ABR: variants seen among roughly 807,000 people sequenced by gnomAD.
ABR encodes the protein active breakpoint cluster region-related protein.
Under a neutral mutation model 107.2 loss-of-function variants are expected in ABR, and 35 were observed. The observed-to-expected ratio is 0.33, with a 90% CI of 0.25 to 0.43. The LOEUF (loss-of-function observed/expected upper bound fraction) is 0.43. Among genes scored for constraint, ABR ranks in the 20% least tolerant of loss-of-function variants. The pLI is 1.00. For missense variants in ABR, 815 were observed against 1,115.2 expected (o/e 0.73, Z 3.83); for synonymous variants, 498 against 462.0 (o/e 1.08, Z -1.00).
intron 1 of ABR, among the ~76,000 whole-genome samples, chr17:1,144,709 T>G (rs951052029): frequency 6.6e-6 from 1 of 151,376 alleles, no homozygotes; most frequent in Non-Finnish European, 1.5e-5. Flanking sequence ...CTGGTCAACA[T>G]GGTGAAGCCC....
intron 1 of ABR, among the ~76,000 whole-genome samples, chr17:1,155,667 C>T (rs570408840): frequency 1.5e-4 from 23 of 152,140 alleles, no homozygotes; most frequent in Non-Finnish European, 1.9e-4. Flanking sequence ...TACAACTCAA[C>T]GATAAAAAGA....
At chr17:1,096,725 A>C (rs1005969630) in intron 3 of ABR, among the ~76,000 whole-genome samples, 1 of 146,814 alleles carries the variant, frequency 6.8e-6, no homozygotes, top group African/African-American at 2.6e-5. Context: ...GAAGGGGGGG[A>C]ACCTGCCCCG....
chr17:1,207,668 AGAAGT>A, intron 1 of ABR, among the ~76,000 whole-genome samples: 1 of 146,772 alleles, frequency 6.8e-6, no homozygotes, highest in Middle Eastern at 3.5e-3. Context: ...AAAAAAAAAG[AGAAGT>A]GGGGGAAAAA....
intron 16 of ABR, among the ~76,000 whole-genome samples, chr17:1,038,268 G>A (rs755687920): frequency 2.6e-4 from 40 of 152,146 alleles, no homozygotes; most frequent in Non-Finnish European, 4.7e-4. Context: ...CAGTTCTCCC[G>A]AAGGCCTCGC....
intron 1 of ABR, among the ~76,000 whole-genome samples, chr17:1,195,248 A>G (rs1324498720): frequency 9.5e-5 from 13 of 136,654 alleles, no homozygotes; most frequent in Non-Finnish European, 1.1e-4. Context: ...CGGAGCTTGC[A>G]GTGAGCGGAG....
intron 5 of ABR, among the ~76,000 whole-genome samples, chr17:1,080,666 C>T (rs893896503): frequency 2.7e-5 from 4 of 150,584 alleles, no homozygotes; most frequent in Non-Finnish European, 4.4e-5. Context: ...GGGGAGGAAG[C>T]GCTCAGACAG....
At chr17:1,015,420 GAA>G (rs534410630) in intron 16 of ABR, among the ~76,000 whole-genome samples, 1 of 131,622 alleles carries the variant, frequency 7.6e-6, no homozygotes, top group Non-Finnish European at 1.6e-5. Context: ...CCTGTCTCAA[GAA>G]AAAAAAAAAA....
chr17:1,011,926 C>T lies in ABR; in HGVS notation c.2021G>A (p.Arg674Lys), dbSNP rs1035244499. The part of the protein sequence containing the change: ...VRQCVEEVEK[R>K]GIEEVGIYRI... ...GTAGATGCCAACCTCCTCGATACCC[C>T]TCTTCTCCACCTCCTCCACACACTG... The change falls in exon 19 of 23, where the codon AGG becomes AAG. Residue 674 changes from arginine to lysine, a missense_variant. Coordinates refer to ENST00000302538, the MANE Select transcript of ABR (RefSeq NM_021962.5). The surrounding 1 kb of genome is among the most constrained non-coding windows in gnomAD (Gnocchi z 4.8). 7 of 1,613,028 alleles carry T rather than the reference C, an allele frequency of 4.3e-6. No individual in the cohort carries two copies. The highest frequency in any genetic ancestry group is 5.9e-6 in the Non-Finnish European group (7 of 1,179,270).
chr17:1,103,296 C>T (rs557600386), intron 2 of ABR, among the ~76,000 whole-genome samples: 174 of 152,164 alleles, frequency 1.1e-3, no homozygotes, highest in African/African-American at 3.8e-3. Flanking sequence ...CACGTAGCCC[C>T]GGGGGACAAG....
chr17:1,100,859 T>G, intron 2 of ABR, 124 bp from the exon 3 acceptor site: 2 of 910,198 alleles, frequency 2.2e-6, no homozygotes, highest in Non-Finnish European at 3.4e-6. Context: ...AGTCTCGCTC[T>G]GTCACCTAGG....
chr17:1,134,385 C>T (rs183068444), intron 1 of ABR, among the ~76,000 whole-genome samples: 14 of 151,672 alleles, frequency 9.2e-5, no homozygotes, highest in African/African-American at 1.9e-4. Flanking sequence ...GCACTCCAGC[C>T]GGGGCAACAG....
chr17:1,079,369 T>C lies in ABR; in HGVS notation c.661A>G (p.Lys221Glu). 1 of 1,613,648 alleles carries C rather than the reference T, an allele frequency of 6.2e-7. No homozygotes were observed. The highest frequency in any genetic ancestry group is 1.3e-5 in the African/African-American group (1 of 75,032). ...ISEELKVKGP[K>E]DSKDSHTSVT... is the part of the protein sequence containing the mutation. ...GACGTGTGGCTGTCCTTGGAGTCCTTGGGACCTTTCACTTTGAGTTCCTGC... is the reference window on the plus strand; with the variant it reads ...GACGTGTGGCTGTCCTTGGAGTCCTCGGGACCTTTCACTTTGAGTTCCTGC... Residue 221 changes from lysine to glutamate, a missense_variant, in exon 6 of 23, where the codon AAG becomes GAG. Around this residue, in one of 5 missense-constraint regions of ABR, gnomAD observed 385 missense variants for 596.9 expected, o/e 0.64. Coordinates refer to ENST00000302538, the MANE Select transcript of ABR (RefSeq NM_021962.5).
rs146828043 is a variant in ABR, at chr17:1,042,518, G to A, written c.1791+7532C>T. On this transcript the variant is annotated intron_variant, in intron 16 of 22. Transcript: ENST00000302538. ...GATATGGCACCTACATCCACGGACG[G>A]ATGGATAAACAGATGTGGCACCTAC... Among the ~76,000 whole-genome samples the A allele has an allele frequency of 4.8e-4, 73 of 152,088 alleles. 1 individual carries two copies. The highest frequency in any genetic ancestry group is 1.7e-3 in the African/African-American group (69 of 41,470).
intron 1 of ABR, among the ~76,000 whole-genome samples, chr17:1,218,697 T>C (rs542520899): frequency 2.0e-5 from 3 of 152,366 alleles, no homozygotes; most frequent in Non-Finnish European, 2.9e-5. Context: ...TATAGTCAGC[T>C]GTCCCCAAAT....
In ABR at chr17:1,016,640, CCT is replaced by C. The variant is rs377484594; in HGVS notation, c.1792-3478_1792-3477del. On this transcript the variant is annotated intron_variant, in intron 16 of 22. Coordinates refer to ENST00000302538, the MANE Select transcript of ABR (RefSeq NM_021962.5). ...CCCTACCCCAACATTTCTAAAAGCC[CCT>C]CTGTTCCCCACCCAGGAGGTCTGCG... 5.3e-3 allele frequency among the ~76,000 whole-genome samples: 813 copies of C among 152,016 alleles called. 16 individuals carry two copies. Among genetic ancestry groups the C allele is most frequent in the African/African-American group, 0.017 (701 of 41,362 alleles).
At chr17:1,018,997 G>A (rs1313816432) in intron 16 of ABR, among the ~76,000 whole-genome samples, 1 of 152,176 alleles carries the variant, frequency 6.6e-6, no homozygotes, top group Non-Finnish European at 1.5e-5. Flanking sequence ...TGAAACTGCA[G>A]AATGTGTGAA....
chr17:1,152,520 G>A (rs187443309), intron 1 of ABR, among the ~76,000 whole-genome samples: 1 of 148,038 alleles, frequency 6.8e-6, no homozygotes, highest in African/African-American at 2.5e-5. Context: ...GAGTCCAGGA[G>A]GTGGAAGTTA....
At chr17:1,136,223 TGTTTG>T (rs781742547) in intron 1 of ABR, among the ~76,000 whole-genome samples, 11 of 152,274 alleles carry the variant, frequency 7.2e-5, no homozygotes, top group South Asian at 2.1e-4. Context: ...GTTTTTGTTT[TGTTTG>T]GTTTTGTTGT....
intron 1 of ABR, among the ~76,000 whole-genome samples, chr17:1,197,389 G>C (rs544004320): frequency 6.6e-6 from 1 of 151,506 alleles, no homozygotes; most frequent in East Asian, 1.9e-4. Flanking sequence ...CCCCATTTTT[G>C]GTCTGAGAGG....
Sources: gnomAD v4.1 joint callset for allele counts (sites outside exome capture counted in the v4.1 genomes callset) on GRCh38, gnomAD v4.1.1 for gene constraint, gnomAD v4.1.1 regional missense constraint, Gnocchi (gnomAD v3.1) non-coding constraint, MANE v1.5 for transcripts, NCBI Gene and HGNC (gene_info 2026-07-23, HGNC 2026-07-21) for gene names.